CYBA: variants seen among roughly 807,000 people sequenced by gnomAD.
The protein encoded by CYBA is cytochrome b-245 alpha chain, also known as cytochrome b-245 light chain.
Under a neutral mutation model 20.8 loss-of-function variants are expected in CYBA, and 21 were observed. The observed-to-expected ratio is 1.01, with a 90% CI of 0.72 to 1.46. The LOEUF (loss-of-function observed/expected upper bound fraction) is 1.46, where lower values mean the gene tolerates loss of function less well. Ranked by LOEUF, CYBA falls within the 40% of genes most tolerant of loss-of-function variation. The probability of loss-of-function intolerance (pLI) is 0.00; values close to 1 mark genes in which losing one functional copy is unlikely to be tolerated. For missense variants in CYBA, 344 were observed against 287.0 expected, an observed-to-expected ratio of 1.20 and a Z score of -1.43; for synonymous variants, 164 against 127.5, an observed-to-expected ratio of 1.29 and a Z score of -1.93.
At position 88,643,696 on chromosome 16, in the gene CYBA, TG is replaced by T; in HGVS notation, c.370-126del. On this transcript the variant is annotated intron_variant, in intron 5 of 5. Transcript: ENST00000261623. The surrounding 1 kb of genome is among the most constrained non-coding windows in gnomAD (Gnocchi z 4.3). ...CAAGTCTGAATCCCACGCAGGATGG[TG>T]TGACTGCCACTCAGAGAGGTTAAGT... 1 of 899,766 alleles carries T rather than the reference TG, an allele frequency of 1.1e-6. No individual in the cohort carries two copies. Among genetic ancestry groups the T allele is most frequent in the East Asian group, 2.9e-5 (1 of 34,426 alleles). The allele number at this position is 899,766 out of a possible 1,614,324, so 55.7% of individuals were successfully genotyped here.
At chr16:88,645,204 G>T (rs895466759) in intron 5 of CYBA, 2 of 702,272 alleles carry the variant, frequency 2.8e-6, no homozygotes, top group East Asian at 2.7e-5. Flanking sequence ...GGGGGATGCG[G>T]GTGGCCCCCG....
chr16:88,650,532 G>T (rs1314182993), intron 1 of CYBA: 1 of 480,552 alleles, frequency 2.1e-6, no homozygotes. Flanking sequence ...CAAGCCCAGG[G>T]AGAGCGACCT....
chr16:88,649,517 A>T (rs1016591527), intron 1 of CYBA, among the ~76,000 whole-genome samples: 1 of 152,220 alleles, frequency 6.6e-6, no homozygotes, highest in Non-Finnish European at 1.5e-5. Flanking sequence ...TGCTGTGTAC[A>T]GGGGGGACTC....
At chr16:88,647,542 G>A (rs1354322096) in intron 2 of CYBA, among the ~76,000 whole-genome samples, 3 of 152,220 alleles carry the variant, frequency 2.0e-5, no homozygotes, top group Non-Finnish European at 4.4e-5. Flanking sequence ...TCTCAAAAAA[G>A]GTCGGGGGCA....
intron 2 of CYBA, chr16:88,647,720 G>C: frequency 2.1e-6 from 1 of 467,020 alleles, no homozygotes; most frequent in Non-Finnish European, 4.0e-6. Context: ...AGAGGGGCCG[G>C]TCAAGGGGGA....
At chr16:88,646,295 A>G (rs1907277382) in intron 4 of CYBA, 98 bp from the exon 5 acceptor site, 1 of 303,348 alleles carries the variant, frequency 3.3e-6, no homozygotes. Flanking sequence ...GTCTCAGGAC[A>G]AGGCAGACTG....
rs1450455961 is a variant in CYBA, at chr16:88,647,902, G to A, written c.128+143C>T. ...GAGGGGCCTGGCTGCTGGGGCCTGG[G>A]CTGCCCAACCCGTGCACAGCCCACC... On this transcript the variant is annotated intron_variant, in intron 2 of 5. Transcript: ENST00000261623. The A allele has an allele frequency of 1.1e-5, 9 of 794,742 alleles. No individual in the cohort carries two copies. The East Asian group carries it at 2.4e-4, about 21-fold the overall frequency. 49.2% of individuals were successfully genotyped at this position (794,742 alleles called of 1,614,324 possible).
At chr16:88,645,297 G>T in intron 5 of CYBA, 1 of 702,448 alleles carries the variant, frequency 1.4e-6, no homozygotes, top group South Asian at 1.5e-5. Flanking sequence ...AGGTCAGTGA[G>T]GCTTGAAACA....
At chr16:88,648,008 C>T (rs778297984) in intron 2 of CYBA, 37 bp downstream of exon 2, 14 of 1,588,734 alleles carry the variant, frequency 8.8e-6, no homozygotes, top group Middle Eastern at 1.7e-4. Flanking sequence ...CTGCCCTGGG[C>T]GTTCCCCGCC....
At position 88,646,257 on chromosome 16, in the gene CYBA, C is replaced by A; in HGVS notation, c.288-60G>T. 5 of 932,396 alleles carry A rather than the reference C, an allele frequency of 5.4e-6. No individual in the cohort carries two copies. The South Asian group carries it at 9.3e-5, about 17-fold the overall frequency. The allele number at this position is 932,396 out of a possible 1,614,324, so 57.8% of individuals were successfully genotyped here. A position where few individuals can be genotyped will look rare whatever the true frequency, so the allele number is the denominator to read the frequency against. ...AGGGCACTCAGAAAGGGGAACGGAG[C>A]CCCAGGTCTGGGGGCCAAGGCCACA... is the stretch of plus-strand genomic sequence containing the variant. On this transcript the variant is annotated intron_variant, in intron 4 of 5. Coordinates refer to ENST00000261623, the MANE Select transcript of CYBA (RefSeq NM_000101.4).
At chr16:88,646,915 C>G in intron 3 of CYBA, 77 bp from the exon 4 acceptor site, 1 of 1,276,256 alleles carries the variant, frequency 7.8e-7, no homozygotes, top group South Asian at 1.2e-5. Context: ...TGCTGACCAC[C>G]CCAGGGCACC....
intron 1 of CYBA, among the ~76,000 whole-genome samples, 162 bp from the exon 2 acceptor site, chr16:88,648,276 C>G (rs965765991): frequency 3.3e-5 from 5 of 152,234 alleles, no homozygotes; most frequent in Non-Finnish European, 2.9e-5. Context: ...AGGCACCCCT[C>G]TGCACTGGTG....
Position 88,651,015 on chromosome 16 carries a change from G to A in CYBA, c.-2C>T. ...CATGGCCCACTCGATCTGCCCCATG[G>A]CGACACGAACCCGGCTGGGACACTG... On this transcript the variant is annotated 5_prime_UTR_variant, in exon 1 of 6. Coordinates refer to ENST00000261623, the MANE Select transcript of CYBA (RefSeq NM_000101.4). 1 of 1,594,556 alleles carries A rather than the reference G, an allele frequency of 6.3e-7. No individual in the cohort carries two copies. Among genetic ancestry groups the A allele is most frequent in the South Asian group, 1.1e-5 (1 of 88,724 alleles).
intron 2 of CYBA, chr16:88,647,747 G>A: frequency 1.9e-6 from 1 of 518,878 alleles, no homozygotes; most frequent in South Asian, 2.0e-5. Context: ...ACAGGAGCGG[G>A]CAGAGGGGAT....
At chr16:88,646,053 G>C in intron 5 of CYBA, 63 bp downstream of exon 5, 1 of 1,376,740 alleles carries the variant, frequency 7.3e-7, no homozygotes, top group Non-Finnish European at 1.0e-6. Flanking sequence ...GCGTGTCCGA[G>C]GGTGTCAGGG....
Position 88,650,429 on chromosome 16 carries a change from T to A in CYBA, c.58+527A>T, listed in dbSNP as rs755095552. ...TGGGCTGGGCAGGGCCGTCACTGGG[T>A]GGTTTCGGCGCCTTGTGAAATCTCA... On this transcript the variant is annotated intron_variant, in intron 1 of 5. Coordinates refer to ENST00000261623, the MANE Select transcript of CYBA (RefSeq NM_000101.4). The A allele has an allele frequency of 2.4e-5, 11 of 457,746 alleles. 1 individual carries two copies. The highest frequency in any genetic ancestry group is 1.7e-4 in the South Asian group (11 of 64,588). 28.4% of individuals were successfully genotyped at this position (457,746 alleles called of 1,614,324 possible).
At chr16:88,645,132 C>T in intron 5 of CYBA, 1 of 699,494 alleles carries the variant, frequency 1.4e-6, no homozygotes, top group Non-Finnish European at 2.6e-6. Context: ...CTGGGTTTAG[C>T]ACAAGGAATT....
intron 5 of CYBA, chr16:88,645,010 C>T (rs1407449554): frequency 4.9e-6 from 3 of 615,026 alleles, no homozygotes; most frequent in East Asian, 2.7e-5. Flanking sequence ...AAGCCTAGTG[C>T]ATGGTGGGAG....
intron 1 of CYBA, among the ~76,000 whole-genome samples, chr16:88,649,594 C>T (rs1387570850): frequency 6.6e-6 from 1 of 152,230 alleles, no homozygotes; most frequent in African/African-American, 2.4e-5. Flanking sequence ...AAGGACCTCC[C>T]CAGGCAGGTG....
Sources: gnomAD v4.1 joint callset for allele counts (sites outside exome capture counted in the v4.1 genomes callset) on GRCh38, gnomAD v4.1.1 for gene constraint, Gnocchi (gnomAD v3.1) non-coding constraint, MANE v1.5 for transcripts, NCBI Gene and HGNC (gene_info 2026-07-23, HGNC 2026-07-21) for gene names.